Variants in EPHA6 observed in about 807,000 individuals in gnomAD.
The protein encoded by EPHA6 is ephrin type-A receptor 6.
A neutral mutation model predicts 112.0 loss-of-function variants in EPHA6; 50 were observed. The ratio of observed to expected loss-of-function variants is 0.45; its 90% CI spans 0.36 to 0.56. The LOEUF (loss-of-function observed/expected upper bound fraction) is 0.56, where lower values mean the gene tolerates loss of function less well. Ranked by LOEUF, EPHA6 falls within the 20% of genes least tolerant of loss-of-function variation. The pLI is 0.00. For missense variants in EPHA6, 1,280 were observed against 1,417.4 expected (o/e 0.90, Z 1.56); for synonymous variants, 529 against 490.7 (o/e 1.08, Z -1.03).
At chr3:96,952,758 C>T (rs548704969) in intron 2 of EPHA6, among the ~76,000 whole-genome samples, 2 of 152,000 alleles carry the variant, frequency 1.3e-5, no homozygotes, top group South Asian at 2.1e-4. Context: ...TTTCTTTTGA[C>T]GGGAAATCAA....
At position 96,882,730 on chromosome 3, in the gene EPHA6, CTGTGTGTGTG is replaced by C. The variant is rs1207060710; in HGVS notation, c.450+15871_450+15880del. 1.6e-4 allele frequency among the ~76,000 whole-genome samples: 21 copies of C among 129,306 alleles called. No individual in the cohort carries two copies. In the South Asian group the frequency reaches 2.1e-3, roughly 13 times the overall value. The allele number at this position is 129,306 out of a possible 152,430, so 84.8% of individuals were successfully genotyped here. A position where few individuals can be genotyped will look rare whatever the true frequency, so the allele number is the denominator to read the frequency against. On this transcript the variant is annotated intron_variant, in intron 2 of 17. Coordinates refer to ENST00000389672, the MANE Select transcript of EPHA6 (RefSeq NM_001080448.3). ...GGATTCGTAGTATTCCATTGTGTGT[CTGTGTGTGTG>C]TGTGTGTGTGTGTGTGTGTGTGTGT... is the stretch of plus-strand genomic sequence containing the variant.
intron 11 of EPHA6, among the ~76,000 whole-genome samples, chr3:97,554,644 T>A (rs1352017291): frequency 6.6e-6 from 1 of 152,042 alleles, no homozygotes; most frequent in Admixed American, 6.6e-5. Context: ...GTCCAACATG[T>A]TGTCATAGTT....
chr3:96,882,028 T>C (rs1269582889), intron 2 of EPHA6, among the ~76,000 whole-genome samples: 1 of 152,206 alleles, frequency 6.6e-6, no homozygotes, highest in Non-Finnish European at 1.5e-5. Context: ...TTTCATGGGC[T>C]GCCATTGAGT....
At chr3:96,906,121 T>C (rs1218656228) in intron 2 of EPHA6, among the ~76,000 whole-genome samples, 1 of 152,116 alleles carries the variant, frequency 6.6e-6, no homozygotes, top group Non-Finnish European at 1.5e-5. Flanking sequence ...ATGTTCTTTT[T>C]CTTTTCCTGT....
At chr3:96,833,224 A>G (rs935019186) in intron 1 of EPHA6, among the ~76,000 whole-genome samples, 3 of 149,500 alleles carry the variant, frequency 2.0e-5, no homozygotes, top group Non-Finnish European at 3.0e-5. Flanking sequence ...AAAAGGGGAA[A>G]TTTGTTCACA....
chr3:97,235,466 A>G (rs2078651395), intron 4 of EPHA6, among the ~76,000 whole-genome samples: 1 of 152,004 alleles, frequency 6.6e-6, no homozygotes, highest in African/African-American at 2.4e-5. Flanking sequence ...TTTCAGTTCT[A>G]CTTTTTAGCA....
At chr3:96,919,239 G>A (rs1559831040) in intron 2 of EPHA6, among the ~76,000 whole-genome samples, 2 of 151,792 alleles carry the variant, frequency 1.3e-5, no homozygotes, top group African/African-American at 2.4e-5. Flanking sequence ...TAGATCATCT[G>A]TTAGTATACT....
At chr3:97,244,796 C>T (rs906617170) in intron 5 of EPHA6, 11 of 154,680 alleles carry the variant, frequency 7.1e-5, no homozygotes, top group Non-Finnish European at 1.6e-4. Flanking sequence ...ATGTCATCAT[C>T]TATGTGAAGT....
chr3:97,445,982 G>A (rs2107305788), intron 6 of EPHA6, among the ~76,000 whole-genome samples: 1 of 152,240 alleles, frequency 6.6e-6, no homozygotes, highest in Non-Finnish European at 1.5e-5. Context: ...AATTCAACCT[G>A]CCAGGATGAA....
rs1262289690 is a variant in EPHA6, at chr3:97,274,867, CA to C, written c.1606+30581del. 2.0e-5 allele frequency among the ~76,000 whole-genome samples: 3 copies of C among 152,210 alleles called. No homozygotes were observed. The East Asian group carries it at 5.8e-4, about 29-fold the overall frequency. ...TAATGTGGGAGGCCGGATTGAAGTC[CA>C]GGCCAGGAACAATGGTAATTGTGGG... On this transcript the variant is annotated intron_variant, in intron 5 of 17. Transcript: ENST00000389672.
At chr3:96,828,552 G>T (rs1039674582) in intron 1 of EPHA6, among the ~76,000 whole-genome samples, 2 of 152,088 alleles carry the variant, frequency 1.3e-5, no homozygotes, top group Admixed American at 6.6e-5. Flanking sequence ...TTGTTTTTAT[G>T]AGTGCTTAGG....
intron 2 of EPHA6, among the ~76,000 whole-genome samples, chr3:96,893,214 CATA>C (rs1313378803): frequency 1.3e-5 from 2 of 152,068 alleles, no homozygotes; most frequent in Admixed American, 6.5e-5. Flanking sequence ...ATGTACAGTA[CATA>C]ATACTTGAAC....
chr3:97,567,916 G>A (rs1045684407), intron 11 of EPHA6, among the ~76,000 whole-genome samples: 5 of 152,202 alleles, frequency 3.3e-5, no homozygotes, highest in Admixed American at 1.3e-4. Flanking sequence ...TGGCAGAGCA[G>A]TGAACAGTTT....
intron 5 of EPHA6, among the ~76,000 whole-genome samples, chr3:97,321,290 T>C (rs1050796340): frequency 2.0e-5 from 3 of 151,958 alleles, no homozygotes; most frequent in Non-Finnish European, 2.9e-5. Flanking sequence ...GGGTTTTAGA[T>C]GCCAATAATT....
intron 15 of EPHA6, among the ~76,000 whole-genome samples, chr3:97,733,710 G>A (rs2035135702): frequency 6.6e-6 from 1 of 152,054 alleles, no homozygotes; most frequent in African/African-American, 2.4e-5. Flanking sequence ...ACAAGACTCA[G>A]AGGCATTAAG....
chr3:97,109,962 A>G (rs938402176), intron 3 of EPHA6, among the ~76,000 whole-genome samples: 2 of 152,142 alleles, frequency 1.3e-5, no homozygotes, highest in Admixed American at 1.3e-4. Flanking sequence ...ATCAAGAAGC[A>G]TTTCATTTTC....
chr3:97,119,423 G>A (rs559521438), intron 3 of EPHA6, among the ~76,000 whole-genome samples: 1 of 151,946 alleles, frequency 6.6e-6, no homozygotes, highest in African/African-American at 2.4e-5. Flanking sequence ...GGTTGGTCAG[G>A]TCCATCAACT....
chr3:97,377,630 T>C (rs1283345647), intron 5 of EPHA6, among the ~76,000 whole-genome samples: 1 of 152,182 alleles, frequency 6.6e-6, no homozygotes, highest in Non-Finnish European at 1.5e-5. Flanking sequence ...ATACTGGTAA[T>C]GAACGGACAA....
intron 5 of EPHA6, among the ~76,000 whole-genome samples, chr3:97,379,027 G>C (rs928054678): frequency 3.3e-4 from 50 of 152,172 alleles, no homozygotes; most frequent in African/African-American, 1.2e-3. Context: ...GTTTGGCTCT[G>C]TGTCCCCACC....
Sources: allele counts gnomAD v4.1 joint callset (sites outside exome capture counted in the v4.1 genomes callset), GRCh38; gene constraint gnomAD v4.1.1; transcripts MANE v1.5; gene names NCBI Gene and HGNC (gene_info 2026-07-23, HGNC 2026-07-21).